BRD4: variants seen among roughly 807,000 people sequenced by gnomAD.
The protein encoded by BRD4 is bromodomain-containing protein 4.
A neutral mutation model predicts 142.1 loss-of-function variants in BRD4; 16 were observed. That is an observed-to-expected ratio of 0.11 (90% CI 0.08 to 0.17). The LOEUF is 0.17. Ranked by LOEUF, BRD4 falls within the 10% of genes least tolerant of loss-of-function variation. BRD4 has a pLI of 1.00. For missense variants in BRD4, 1,424 were observed against 1,810.9 expected (o/e 0.79, Z 3.88); for synonymous variants, 833 against 707.5 (o/e 1.18, Z -2.82).
chr19:15,260,568 G>A (rs1402707144), intron 7 of BRD4, among the ~76,000 whole-genome samples: 1 of 152,166 alleles, frequency 6.6e-6, no homozygotes, highest in African/African-American at 2.4e-5. Context: ...CCTCCCAAGG[G>A]CAGGCGAAAC....
At chr19:15,244,897 A>G (rs941298901) in intron 11 of BRD4, 135 bp from the exon 12 acceptor site, 3 of 1,471,588 alleles carry the variant, frequency 2.0e-6, no homozygotes, top group Non-Finnish European at 2.8e-6. Context: ...GCCGAGTTCA[A>G]TGAGGGATGA....
chr19:15,238,649 G>GCTGCCCCTCCCTGT lies in BRD4; in HGVS notation c.4020+80_4020+93dup, dbSNP rs1568375578. ...CGACCAGCAGGGACGGGGCTCCCCC[G>GCTGCCCCTCCCTGT]CTGCCCCTCCCTGTCCAGGCTCCAG... is the stretch of plus-strand genomic sequence containing the variant. On this transcript the variant is annotated intron_variant, in intron 19 of 19. Coordinates refer to ENST00000679869, the MANE Select transcript of BRD4 (RefSeq NM_001379291.1). The surrounding 1 kb of genome is among the most constrained non-coding windows in gnomAD (Gnocchi z 7.2). 1.4e-6 allele frequency: 2 copies of GCTGCCCCTCCCTGT among 1,455,226 alleles called. No homozygotes were observed. The highest frequency in any genetic ancestry group is 2.9e-5 in the South Asian group (2 of 68,726). 90.1% of individuals were successfully genotyped at this position (1,455,226 alleles called of 1,614,324 possible). A position where few individuals can be genotyped will look rare whatever the true frequency, so the allele number is the denominator to read the frequency against.
At position 15,239,841 on chromosome 19, in the gene BRD4, G is replaced by A; in HGVS notation, c.3283-20C>T. On this transcript the variant is annotated intron_variant, in intron 15 of 19. Coordinates refer to ENST00000679869, the MANE Select transcript of BRD4 (RefSeq NM_001379291.1). This position sits in a 1 kb window ranked among gnomAD's most constrained non-coding sequence, Gnocchi z 7.4. ...CAGCTCCTGGGATGGCACAGGCACAGCGGCCGGTGAGGTGGGCAGGCACCC... is the reference window on the plus strand; with the variant it reads ...CAGCTCCTGGGATGGCACAGGCACAACGGCCGGTGAGGTGGGCAGGCACCC... The A allele has an allele frequency of 6.2e-7, 1 of 1,613,834 alleles. No individual in the cohort carries two copies. The highest frequency in any genetic ancestry group is 8.5e-7 in the Non-Finnish European group (1 of 1,179,980).
chr19:15,253,905 CCT>C, intron 11 of BRD4: 1 of 866,408 alleles, frequency 1.2e-6, no homozygotes. Context: ...GGCCATTCAT[CCT>C]CCATGACCAG....
intron 14 of BRD4, among the ~76,000 whole-genome samples, chr19:15,242,615 G>T (rs1319512442): frequency 6.6e-6 from 1 of 152,122 alleles, no homozygotes; most frequent in Non-Finnish European, 1.5e-5. Context: ...TGGGCTCCTA[G>T]CTTCCCCACC....
rs964618524 is a variant in BRD4, at chr19:15,243,462, C to T, written c.2607G>A (p.Gln869=). Residue 869 remains glutamine, a synonymous_variant, in exon 14 of 20, where the codon CAG becomes CAA. Transcript: ENST00000679869. ...PPALHNALPQ[Q]PSRPSNRAAA... is the part of the protein sequence containing the mutation. ...CGGCTCGGTTGCTGGGCCGTGATGG[C>T]TGCTGGGGTAGTGCGTTGTGCAAAG... 2.5e-6 allele frequency: 4 copies of T among 1,576,496 alleles called. No homozygotes were observed. The highest frequency in any genetic ancestry group is 3.6e-5 in the Admixed American group (2 of 55,390).
chr19:15,300,642 C>CA (rs34013844), intron 1 of BRD4, among the ~76,000 whole-genome samples: 21,330 of 144,300 alleles, frequency 0.15, 1,658 homozygotes, highest in Middle Eastern at 0.21. Flanking sequence ...AAATATATAC[C>CA]AAAAAAAAAA....
At chr19:15,309,349 A>C (rs2047946140) in intron 1 of BRD4, among the ~76,000 whole-genome samples, 1 of 151,848 alleles carries the variant, frequency 6.6e-6, no homozygotes, top group South Asian at 2.1e-4. Flanking sequence ...AAAAAAAAAA[A>C]AAAAAAACCA....
At chr19:15,306,873 T>C (rs192554555) in intron 1 of BRD4, among the ~76,000 whole-genome samples, 31 of 152,280 alleles carry the variant, frequency 2.0e-4, no homozygotes, top group African/African-American at 7.5e-4. Flanking sequence ...GTCTGAAACG[T>C]TGGTCACATT....
At chr19:15,286,686 T>A (rs192278562) in intron 1 of BRD4, among the ~76,000 whole-genome samples, 21 of 152,346 alleles carry the variant, frequency 1.4e-4, no homozygotes, top group African/African-American at 5.1e-4. Context: ...TGATCTGTAT[T>A]TAGATTCCAT....
intron 1 of BRD4, among the ~76,000 whole-genome samples, chr19:15,325,634 T>G (rs1008237785): frequency 1.3e-5 from 2 of 152,200 alleles, no homozygotes; most frequent in South Asian, 4.1e-4. Flanking sequence ...GAAATGGAAA[T>G]ACATGCAACC....
intron 1 of BRD4, among the ~76,000 whole-genome samples, chr19:15,282,552 C>T (rs2047713099): frequency 6.6e-6 from 1 of 152,186 alleles, no homozygotes; most frequent in Non-Finnish European, 1.5e-5. Flanking sequence ...TCCACTTCTA[C>T]CTGGTAAGTT....
At chr19:15,321,885 C>T (rs945144061) in intron 1 of BRD4, among the ~76,000 whole-genome samples, 10 of 152,154 alleles carry the variant, frequency 6.6e-5, no homozygotes, top group Admixed American at 5.9e-4. Context: ...CTACCCCCTA[C>T]AAAGCTTCTA....
chr19:15,248,303 G>A, intron 11 of BRD4: 1 of 216,360 alleles, frequency 4.6e-6, no homozygotes, highest in East Asian at 6.8e-5. Flanking sequence ...TCATTCTAAG[G>A]GACTGAAGAC....
chr19:15,300,828 T>A (rs1260834063), intron 1 of BRD4, among the ~76,000 whole-genome samples: 2 of 152,148 alleles, frequency 1.3e-5, no homozygotes, highest in South Asian at 2.1e-4. Flanking sequence ...CATCCACTGC[T>A]GATGAGGGCG....
At chr19:15,321,746 T>A (rs999137191) in intron 1 of BRD4, among the ~76,000 whole-genome samples, 1 of 152,140 alleles carries the variant, frequency 6.6e-6, no homozygotes, top group Admixed American at 6.5e-5. Flanking sequence ...GTTAGGAGAA[T>A]AACATCTGAG....
intron 1 of BRD4, among the ~76,000 whole-genome samples, chr19:15,290,083 C>T (rs2047770675): frequency 6.6e-6 from 1 of 152,108 alleles, no homozygotes; most frequent in African/African-American, 2.4e-5. Context: ...GGGTCACACG[C>T]TAGGCATATG....
In BRD4 at chr19:15,293,822, C is replaced by G. The variant is rs185168795; in HGVS notation, c.-34-20689G>C. ...CACTCAACAGTAACTCCTTAATCCT[C>G]CTGCTCGTGGTAACCACTATTTTTT... On this transcript the variant is annotated intron_variant, in intron 1 of 19. Transcript: ENST00000679869. Among the ~76,000 whole-genome samples the G allele has an allele frequency of 3.3e-5, 5 of 152,332 alleles. No homozygotes were observed. In the East Asian group the frequency reaches 9.6e-4, roughly 29 times the overall value.
At chr19:15,257,671 G>A (rs2047427300) in intron 7 of BRD4, among the ~76,000 whole-genome samples, 2 of 152,176 alleles carry the variant, frequency 1.3e-5, no homozygotes, top group Admixed American at 1.3e-4. Context: ...ACCTCCTCTA[G>A]GGGACTAGGC....
Sources: gnomAD v4.1 joint callset for allele counts (sites outside exome capture counted in the v4.1 genomes callset) on GRCh38, gnomAD v4.1.1 for gene constraint, Gnocchi (gnomAD v3.1) non-coding constraint, MANE v1.5 for transcripts, NCBI Gene and HGNC (gene_info 2026-07-23, HGNC 2026-07-21) for gene names.